The following TCERG1 variants were observed in gnomAD, a reference collection of about 807,000 sequenced individuals.
The protein encoded by TCERG1 is TATA box binding protein (TBP)-associated factor, RNA polymerase II, S, 150kD.
A neutral mutation model predicts 144.7 loss-of-function variants in TCERG1; 37 were observed. The observed-to-expected ratio is 0.26, with a 90% CI of 0.20 to 0.34. TCERG1 has a LOEUF of 0.34. TCERG1 is among the 10% of genes least tolerant of loss of function. The probability of loss-of-function intolerance (pLI) is 1.00; values close to 1 mark genes in which losing one functional copy is unlikely to be tolerated. For synonymous variants in TCERG1, 492 were observed against 458.2 expected (o/e 1.07, Z -0.94); for missense variants, 1,027 against 1,380.7 (o/e 0.74, Z 4.06).
At chr5:146,496,246 C>G (rs2150770905) in intron 16 of TCERG1, among the ~76,000 whole-genome samples, 1 of 152,180 alleles carries the variant, frequency 6.6e-6, no homozygotes, top group Admixed American at 6.5e-5. Context: ...TTTATTTAAC[C>G]TGTTTGGAGT....
intron 19 of TCERG1, among the ~76,000 whole-genome samples, chr5:146,506,775 G>C (rs1768040865): frequency 1.3e-5 from 2 of 152,102 alleles, no homozygotes; most frequent in Admixed American, 6.6e-5. Context: ...TTCTGTGCTT[G>C]ACTTATTTCA....
At chr5:146,472,847 G>A (rs1764469384) in intron 9 of TCERG1, among the ~76,000 whole-genome samples, 1 of 152,066 alleles carries the variant, frequency 6.6e-6, no homozygotes, top group African/African-American at 2.4e-5. Flanking sequence ...CCAAATAGCT[G>A]GGATTATAGT....
intron 17 of TCERG1, among the ~76,000 whole-genome samples, chr5:146,500,665 G>C (rs1277910875): frequency 2.6e-5 from 4 of 152,120 alleles, no homozygotes; most frequent in Non-Finnish European, 4.4e-5. Context: ...CTCACAGTAA[G>C]AGCATCATTT....
rs138405491 is a variant in TCERG1, at chr5:146,485,475, T to TG, written c.2163+1846_2163+1847insG. Among the ~76,000 whole-genome samples the TG allele has an allele frequency of 3.8e-4, 58 of 152,312 alleles. 1 individual carries two copies. In the East Asian group the frequency reaches 8.5e-3, roughly 22 times the overall value. ...AAATATCTCTGAAGGCTTTAAAACT[T>TG]TTATGACGTATTCCTCCTGGTACTG... On this transcript the variant is annotated intron_variant, in intron 15 of 22. Coordinates refer to ENST00000679501, the MANE Select transcript of TCERG1 (RefSeq NM_001382548.1).
At chr5:146,454,275 G>A (rs1762626168) in intron 1 of TCERG1, among the ~76,000 whole-genome samples, 1 of 151,996 alleles carries the variant, frequency 6.6e-6, no homozygotes, top group South Asian at 2.1e-4. Flanking sequence ...CTCGTTGTTA[G>A]ATTGAGGTTA....
At chr5:146,496,021 T>C (rs964167313) in intron 16 of TCERG1, among the ~76,000 whole-genome samples, 2 of 152,002 alleles carry the variant, frequency 1.3e-5, no homozygotes, top group Middle Eastern at 3.2e-3. Flanking sequence ...GGTGTGGTGG[T>C]GGGCGCCTGT....
At chr5:146,468,527 T>A in intron 6 of TCERG1, 124 bp downstream of exon 6, 1 of 846,502 alleles carries the variant, frequency 1.2e-6, no homozygotes, top group Non-Finnish European at 1.8e-6. Context: ...TTCTTTTTAA[T>A]GAGCAGTATA....
At chr5:146,505,933 C>T (rs879484343) in intron 19 of TCERG1, among the ~76,000 whole-genome samples, 1 of 152,134 alleles carries the variant, frequency 6.6e-6, no homozygotes. Flanking sequence ...TGCGCCACCA[C>T]ACACAGCTCA....
Position 146,457,108 on chromosome 5 carries a change from C to T in TCERG1, c.286-75C>T. The stretch of plus-strand genomic sequence containing the variant: ...AACTAGTTTCTCTTACAGTGTTTTA[C>T]TTTTGAATAGAATTCAGTAATAATT... On this transcript the variant is annotated intron_variant, in intron 2 of 22. Coordinates refer to ENST00000679501, the MANE Select transcript of TCERG1 (RefSeq NM_001382548.1). The T allele has an allele frequency of 1.9e-6, 3 of 1,552,132 alleles. No homozygotes were observed. In the South Asian group the frequency reaches 3.6e-5, roughly 19 times the overall value.
intron 14 of TCERG1, 42 bp downstream of exon 14, chr5:146,482,769 A>G (rs1414732974): frequency 6.4e-7 from 1 of 1,551,580 alleles, no homozygotes; most frequent in Non-Finnish European, 8.7e-7. Context: ...TGTTTTGTAT[A>G]AGTAATATAA....
intron 17 of TCERG1, among the ~76,000 whole-genome samples, chr5:146,502,176 A>G (rs909656223): frequency 6.6e-6 from 1 of 152,180 alleles, no homozygotes; most frequent in Non-Finnish European, 1.5e-5. Context: ...GATTACAGGC[A>G]TGAGCCACCA....
intron 15 of TCERG1, among the ~76,000 whole-genome samples, chr5:146,491,324 T>C (rs1198123161): frequency 6.6e-6 from 1 of 152,046 alleles, no homozygotes; most frequent in Non-Finnish European, 1.5e-5. Context: ...CCCTCGTGCT[T>C]TGGGGCTGTA....
rs369810564 is a variant in TCERG1, at chr5:146,498,512, A to G, written c.2283-24A>G. ...ACAAGCAGAAGTAACTGCCAAAGTT[A>G]GCACACTTGTAATTTTGTTACAGAG... is the stretch of plus-strand genomic sequence containing the variant. On this transcript the variant is annotated intron_variant, in intron 16 of 22. Coordinates refer to ENST00000679501, the MANE Select transcript of TCERG1 (RefSeq NM_001382548.1). The G allele has an allele frequency of 1.8e-5, 28 of 1,590,414 alleles. No individual in the cohort carries two copies. The African/African-American group carries it at 3.7e-4, about 21-fold the overall frequency.
chr5:146,506,334 G>A (rs964444463), intron 19 of TCERG1, among the ~76,000 whole-genome samples: 1 of 152,180 alleles, frequency 6.6e-6, no homozygotes, highest in African/African-American at 2.4e-5. Context: ...TGGTGAGCCA[G>A]CCAGACCTGT....
intron 5 of TCERG1, among the ~76,000 whole-genome samples, chr5:146,465,073 T>G (rs1363710073): frequency 1.3e-5 from 2 of 152,224 alleles, no homozygotes; most frequent in Non-Finnish European, 2.9e-5. Flanking sequence ...TTCCCTACTA[T>G]TAGGGATTAT....
rs1299889189 is a variant in TCERG1 at position 146,455,253 on chromosome 5, C to T, written c.257C>T (p.Pro86Leu). 6.2e-7 allele frequency: 1 copy of T among 1,614,206 alleles called. No homozygotes were observed. The highest frequency in any genetic ancestry group is 8.5e-7 in the Non-Finnish European group (1 of 1,180,036). ...MPPMPPPGGI[P>L]PPMGPPHLQR... ...CCAATGCCTCCTCCAGGAGGGATAC[C>T]TCCACCTATGGGCCCTCCACACCTC... Residue 86 changes from proline (P) to leucine (L), a missense_variant, in exon 2 of 23, where the codon CCT (proline) becomes CTT (leucine). Physicochemically the swap from Pro to Leu is moderately conservative, Grantham distance 98. Coordinates refer to ENST00000679501, the MANE Select transcript of TCERG1 (RefSeq NM_001382548.1).
chr5:146,505,414 TTAGCATAATATAAAAG>T (rs1242573042), intron 19 of TCERG1: 1 of 152,218 alleles, frequency 6.6e-6, no homozygotes, highest in Non-Finnish European at 1.5e-5. Flanking sequence ...TTTAGCCTCC[TTAGCATAATATAAAAG>T]ATTGTTCATT....
chr5:146,483,517 G>A, intron 14 of TCERG1, 23 bp from the exon 15 acceptor site: 1 of 1,598,346 alleles, frequency 6.3e-7, no homozygotes, highest in Non-Finnish European at 8.5e-7. Context: ...TTAATTATGA[G>A]GCAATACGTT....
intron 5 of TCERG1, 97 bp downstream of exon 5, chr5:146,463,890 T>C (rs917606875): frequency 6.5e-7 from 1 of 1,529,298 alleles, no homozygotes; most frequent in Non-Finnish European, 8.9e-7. Context: ...TTGCCTTGAA[T>C]CTCACCTGTT....
Sources: allele counts gnomAD v4.1 joint callset (sites outside exome capture counted in the v4.1 genomes callset), GRCh38; gene constraint gnomAD v4.1.1; transcripts MANE v1.5; gene names NCBI Gene and HGNC (gene_info 2026-07-23, HGNC 2026-07-21).